HTR4: variants seen among roughly 807,000 people sequenced by gnomAD.
The protein encoded by HTR4 is 5-hydroxytryptamine (serotonin) receptor 4, G protein-coupled.
Under a neutral mutation model 36.8 loss-of-function variants are expected in HTR4, and 16 were observed. That is an observed-to-expected ratio of 0.43 (90% CI 0.29 to 0.66). The LOEUF (loss-of-function observed/expected upper bound fraction) is 0.66. Ranked by LOEUF, HTR4 falls within the 30% of genes least tolerant of loss-of-function variation. The pLI is 0.13. For synonymous variants in HTR4, 189 were observed against 185.1 expected, an observed-to-expected ratio of 1.02 and a Z score of -0.17; for missense variants, 438 against 490.9, an observed-to-expected ratio of 0.89 and a Z score of 1.02.
At chr5:148,520,999 A>G in intron 5 of HTR4, 1 of 1,367,528 alleles carries the variant, frequency 7.3e-7, no homozygotes, top group Non-Finnish European at 9.8e-7. Flanking sequence ...AGGGCTAAGA[A>G]TGCGGTGAAA....
In HTR4 at chr5:148,481,546, CT is replaced by C; in HGVS notation, c.*1656del. 7.5e-7 allele frequency: 1 copy of C among 1,338,762 alleles called. No individual in the cohort carries two copies. 82.9% of individuals were successfully genotyped at this position (1,338,762 alleles called of 1,614,324 possible). A position where few individuals can be genotyped will look rare whatever the true frequency, so the allele number is the denominator to read the frequency against. Reference sequence around the variant, plus strand: ...ATAGGACAGAGAGGCTTTTTTTTTTCTTTTTCTTTTTGGCATTTGGATGGTT... The same window carrying C: ...ATAGGACAGAGAGGCTTTTTTTTTTCTTTTCTTTTTGGCATTTGGATGGTT... On this transcript the variant is annotated 3_prime_UTR_variant, in exon 7 of 7. Coordinates refer to ENST00000377888, the MANE Select transcript of HTR4 (RefSeq NM_000870.7).
At chr5:148,566,598 C>T (rs1760451126) in intron 2 of HTR4, among the ~76,000 whole-genome samples, 2 of 152,104 alleles carry the variant, frequency 1.3e-5, no homozygotes, top group Admixed American at 1.3e-4. Flanking sequence ...TTGAGGAGCT[C>T]ACAGAAAAGT....
intron 4 of HTR4, among the ~76,000 whole-genome samples, chr5:148,545,275 A>C (rs1465650379): frequency 6.6e-6 from 1 of 152,254 alleles, no homozygotes; most frequent in Non-Finnish European, 1.5e-5. Context: ...ATACACTGTC[A>C]GAGAATGAAA....
At chr5:148,510,213 G>A (rs1757432878) in intron 5 of HTR4, among the ~76,000 whole-genome samples, 189 bp from the exon 6 acceptor site, 1 of 151,930 alleles carries the variant, frequency 6.6e-6, no homozygotes, top group Non-Finnish European at 1.5e-5. Context: ...AGAGTAAAGG[G>A]GAAAGGAAAG....
intron 5 of HTR4, among the ~76,000 whole-genome samples, chr5:148,522,305 C>T (rs1256566156): frequency 2.0e-5 from 3 of 152,142 alleles, no homozygotes; most frequent in Non-Finnish European, 2.9e-5. Context: ...AGACTCTCCA[C>T]ATAAAATGGA....
At chr5:148,624,826 T>C (rs538061334) in intron 2 of HTR4, among the ~76,000 whole-genome samples, 1 of 152,316 alleles carries the variant, frequency 6.6e-6, no homozygotes, top group East Asian at 1.9e-4. Context: ...GTGGAGATAT[T>C]GCCTAAAGAG....
At chr5:148,549,865 T>G (rs1759594437) in intron 3 of HTR4, among the ~76,000 whole-genome samples, 2 of 152,144 alleles carry the variant, frequency 1.3e-5, no homozygotes, top group Non-Finnish European at 2.9e-5. Flanking sequence ...ATATGTGCTC[T>G]CAACAATTGT....
At chr5:148,632,219 T>A (rs1272739818) in intron 2 of HTR4, among the ~76,000 whole-genome samples, 1 of 152,218 alleles carries the variant, frequency 6.6e-6, no homozygotes. Context: ...AGAGCCATTG[T>A]ACACACCTAG....
intron 3 of HTR4, 90 bp downstream of exon 3, chr5:148,550,047 A>C (rs1250534325): frequency 7.5e-7 from 1 of 1,336,460 alleles, no homozygotes; most frequent in Non-Finnish European, 1.0e-6. Context: ...TTTCTTAATT[A>C]CAAATTCTAA....
chr5:148,572,910 C>T (rs761345832), intron 2 of HTR4, among the ~76,000 whole-genome samples: 5 of 151,920 alleles, frequency 3.3e-5, no homozygotes, highest in Non-Finnish European at 5.9e-5. Flanking sequence ...TTAAGGATAC[C>T]CTGAGAATTG....
intron 5 of HTR4, among the ~76,000 whole-genome samples, chr5:148,517,074 A>T (rs1365746053): frequency 6.6e-6 from 1 of 152,110 alleles, no homozygotes; most frequent in Non-Finnish European, 1.5e-5. Flanking sequence ...CTTAATCTTC[A>T]TATTTTGTAT....
At chr5:148,451,299 G>A in intron 5 of HTR4, 1 of 1,613,264 alleles carries the variant, frequency 6.2e-7, no homozygotes, top group Non-Finnish European at 8.5e-7. Flanking sequence ...GAAGGCATGA[G>A]AATTCAACAG....
chr5:148,473,528 G>A (rs1251979760), downstream of HTR4, among the ~76,000 whole-genome samples: 1 of 152,158 alleles, frequency 6.6e-6, no homozygotes, highest in East Asian at 1.9e-4. Context: ...ACATATTTTA[G>A]AATATAGTAT....
At chr5:148,459,908 A>G (rs919135694) in intron 5 of HTR4, among the ~76,000 whole-genome samples, 1 of 152,194 alleles carries the variant, frequency 6.6e-6, no homozygotes, top group African/African-American at 2.4e-5. Flanking sequence ...AGTAGATGAC[A>G]TGCAAGAACA....
chr5:148,503,319 G>C (rs147684356), intron 6 of HTR4, among the ~76,000 whole-genome samples: 1 of 152,222 alleles, frequency 6.6e-6, no homozygotes, highest in African/African-American at 2.4e-5. Flanking sequence ...CAAGCCAGAA[G>C]AGGGTGGGGG....
At chr5:148,481,442 A>T (rs1755877249), downstream of HTR4, 2 of 876,378 alleles carry the variant, frequency 2.3e-6, no homozygotes, top group South Asian at 3.1e-5. Context: ...TTTCTCACGA[A>T]TTCTGAATAG....
intron 2 of HTR4, among the ~76,000 whole-genome samples, chr5:148,597,635 A>G (rs1286335581): frequency 6.6e-6 from 1 of 152,180 alleles, no homozygotes; most frequent in African/African-American, 2.4e-5. Context: ...TTCACTGCCT[A>G]GAATGCTCCC....
At chr5:148,628,526 A>G (rs1753205637) in intron 2 of HTR4, 1 of 152,172 alleles carries the variant, frequency 6.6e-6, no homozygotes, top group Non-Finnish European at 1.5e-5. Flanking sequence ...TTTAATCTAA[A>G]TTATATATAC....
chr5:148,618,342 C>T (rs1258264785), intron 2 of HTR4, among the ~76,000 whole-genome samples: 2 of 152,204 alleles, frequency 1.3e-5, no homozygotes, highest in Non-Finnish European at 2.9e-5. Flanking sequence ...ACCAACTTTT[C>T]CTGTGTGTTC....
Sources: allele counts gnomAD v4.1 joint callset (sites outside exome capture counted in the v4.1 genomes callset), GRCh38; gene constraint gnomAD v4.1.1; transcripts MANE v1.5; gene names NCBI Gene and HGNC (gene_info 2026-07-23, HGNC 2026-07-21).